Variants in KHDRBS2 observed in about 807,000 individuals in gnomAD.
The protein encoded by KHDRBS2 is KH RNA binding domain containing, signal transduction associated 2.
A neutral mutation model predicts 44.3 loss-of-function variants in KHDRBS2; 26 were observed. The observed-to-expected ratio is 0.59, with a 90% CI of 0.43 to 0.81. The LOEUF (loss-of-function observed/expected upper bound fraction) is 0.81. Among genes scored for constraint, KHDRBS2 ranks in the 40% least tolerant of loss-of-function variants. The probability of loss-of-function intolerance (pLI) is 0.00; values close to 1 mark genes in which losing one functional copy is unlikely to be tolerated. For missense variants in KHDRBS2, 476 were observed against 433.1 expected (o/e 1.10, Z -0.88); for synonymous variants, 194 against 151.1 (o/e 1.28, Z -2.08).
At chr6:62,168,675 C>A (rs1198449816) in intron 2 of KHDRBS2, among the ~76,000 whole-genome samples, 1 of 152,092 alleles carries the variant, frequency 6.6e-6, no homozygotes, top group Non-Finnish European at 1.5e-5. Flanking sequence ...TTAATATCAA[C>A]TTTATACCCT....
At chr6:61,831,711 A>G (rs1467519974) in intron 6 of KHDRBS2, among the ~76,000 whole-genome samples, 1 of 152,126 alleles carries the variant, frequency 6.6e-6, no homozygotes, top group Non-Finnish European at 1.5e-5. Flanking sequence ...ATCTTCTTAA[A>G]TATCACGGTG....
intron 4 of KHDRBS2, among the ~76,000 whole-genome samples, chr6:61,930,267 A>G: frequency 6.6e-6 from 1 of 152,098 alleles, no homozygotes; most frequent in East Asian, 1.9e-4. Flanking sequence ...TCTTCTTTAT[A>G]AATTACTGAG....
At chr6:61,690,265 A>T (rs181098647) in intron 8 of KHDRBS2, among the ~76,000 whole-genome samples, 2 of 151,966 alleles carry the variant, frequency 1.3e-5, no homozygotes, top group East Asian at 3.9e-4. Flanking sequence ...TGTATTCTGT[A>T]CTTTGTGCTT....
chr6:61,608,830 G>GTC, the KHDRBS2 span, among the ~76,000 whole-genome samples: 6 of 152,106 alleles, frequency 3.9e-5, no homozygotes, highest in African/African-American at 1.2e-4. Context: ...TCTTTATGTA[G>GTC]TGTATTATTG....
At chr6:62,191,813 C>G (rs1277622386) in intron 1 of KHDRBS2, among the ~76,000 whole-genome samples, 1 of 152,046 alleles carries the variant, frequency 6.6e-6, no homozygotes, top group Non-Finnish European at 1.5e-5. Context: ...TTTATTTCCA[C>G]AAAATGCAAT....
intron 2 of KHDRBS2, among the ~76,000 whole-genome samples, chr6:62,168,355 AC>A (rs1819135147): frequency 6.6e-6 from 1 of 152,156 alleles, no homozygotes; most frequent in Non-Finnish European, 1.5e-5. Flanking sequence ...TTCTAAAAGT[AC>A]ATCAAAGAGA....
At chr6:61,684,379 C>CTCT (rs1286099949) in intron 8 of KHDRBS2, among the ~76,000 whole-genome samples, 1 of 151,840 alleles carries the variant, frequency 6.6e-6, no homozygotes, top group Non-Finnish European at 1.5e-5. Context: ...TAGGGAGAGA[C>CTCT]AAATCATGAC....
intron 2 of KHDRBS2, among the ~76,000 whole-genome samples, chr6:62,138,962 A>T (rs1374624466): frequency 2.0e-5 from 3 of 152,216 alleles, no homozygotes; most frequent in Non-Finnish European, 4.4e-5. Flanking sequence ...GCCATGGGCA[A>T]GTCATAAGTA....
At chr6:61,739,364 T>A (rs995161844) in intron 6 of KHDRBS2, among the ~76,000 whole-genome samples, 24 of 152,030 alleles carry the variant, frequency 1.6e-4, no homozygotes, top group African/African-American at 5.3e-4. Context: ...AATATGTATG[T>A]CAGAATCTTA....
intron 6 of KHDRBS2, among the ~76,000 whole-genome samples, chr6:61,822,730 C>A (rs1429520422): frequency 6.6e-6 from 1 of 152,000 alleles, no homozygotes; most frequent in Non-Finnish European, 1.5e-5. Flanking sequence ...ACTATGTCAG[C>A]AATGTAGTCT....
chr6:62,270,908 A>G (rs569566539), intron 1 of KHDRBS2, among the ~76,000 whole-genome samples: 3 of 152,258 alleles, frequency 2.0e-5, no homozygotes, highest in Admixed American at 6.5e-5. Context: ...CAAAGCTACC[A>G]GGTTAGCAGA....
intron 4 of KHDRBS2, among the ~76,000 whole-genome samples, chr6:61,921,827 T>C (rs1175648154): frequency 2.0e-5 from 3 of 152,022 alleles, no homozygotes; most frequent in Non-Finnish European, 1.5e-5. Flanking sequence ...GATTAGATTC[T>C]CTAAAAAGGA....
intron 6 of KHDRBS2, among the ~76,000 whole-genome samples, chr6:61,772,353 A>G (rs1363335184): frequency 1.3e-5 from 2 of 152,154 alleles, no homozygotes; most frequent in Non-Finnish European, 2.9e-5. Flanking sequence ...GACACAAAAA[A>G]CCCTTCAAAA....
intron 4 of KHDRBS2, among the ~76,000 whole-genome samples, chr6:61,928,245 G>T (rs1311019833): frequency 6.6e-6 from 1 of 152,064 alleles, no homozygotes; most frequent in Non-Finnish European, 1.5e-5. Context: ...GTTGGCTTCT[G>T]TATTCAAATT....
At chr6:61,565,645 A>G in the KHDRBS2 span, among the ~76,000 whole-genome samples, 1 of 152,144 alleles carries the variant, frequency 6.6e-6, no homozygotes, top group East Asian at 1.9e-4. Context: ...GATGCCCTTT[A>G]TCAAAAAATA....
chr6:61,998,557 T>C (rs1777651840), intron 3 of KHDRBS2, among the ~76,000 whole-genome samples: 1 of 152,172 alleles, frequency 6.6e-6, no homozygotes, highest in African/African-American at 2.4e-5. Context: ...TTTTCTTCTT[T>C]ATCTTTATTT....
At chr6:61,592,302 G>A in the KHDRBS2 span, among the ~76,000 whole-genome samples, 2 of 151,860 alleles carry the variant, frequency 1.3e-5, no homozygotes, top group African/African-American at 4.8e-5. Flanking sequence ...GAAAAGGCCA[G>A]ATGGTTTATC....
At chr6:62,026,527 G>T (rs1357929062) in intron 3 of KHDRBS2, among the ~76,000 whole-genome samples, 1 of 151,470 alleles carries the variant, frequency 6.6e-6, no homozygotes, top group Non-Finnish European at 1.5e-5. Context: ...CAACCTCCCA[G>T]GCTCAAGCAG....
At chr6:62,073,357 T>C (rs1402237479) in intron 2 of KHDRBS2, among the ~76,000 whole-genome samples, 1 of 151,608 alleles carries the variant, frequency 6.6e-6, no homozygotes, top group Non-Finnish European at 1.5e-5. Flanking sequence ...CTGTTGTTTG[T>C]AATATTCTTT....
Sources: allele counts gnomAD v4.1 joint callset (sites outside exome capture counted in the v4.1 genomes callset), GRCh38; gene constraint gnomAD v4.1.1; transcripts MANE v1.5; gene names NCBI Gene and HGNC (gene_info 2026-07-23, HGNC 2026-07-21).